Variants in COL10A1 observed in about 807,000 individuals in gnomAD.
The protein encoded by COL10A1 is collagen type X alpha 1 chain, also known as collagen alpha-1(X) chain.
Under a neutral mutation model 18.2 loss-of-function variants are expected in COL10A1, and 10 were observed. The observed-to-expected ratio is 0.55, with a 90% CI of 0.34 to 0.93. The LOEUF (loss-of-function observed/expected upper bound fraction) is 0.93, where lower values mean the gene tolerates loss of function less well. Ranked by LOEUF, COL10A1 falls within the 40% of genes least tolerant of loss-of-function variation. The probability of loss-of-function intolerance (pLI) is 0.02; values close to 1 mark genes in which losing one functional copy is unlikely to be tolerated. For synonymous variants in COL10A1, 330 were observed against 316.6 expected, an observed-to-expected ratio of 1.04 and a Z score of -0.45; for missense variants, 897 against 853.5, an observed-to-expected ratio of 1.05 and a Z score of -0.64.
the COL10A1 span, among the ~76,000 whole-genome samples, chr6:116,171,969 C>T: frequency 6.6e-6 from 1 of 152,094 alleles, no homozygotes; most frequent in Non-Finnish European, 1.5e-5. Context: ...GATGGATAGC[C>T]AGCTGTATGA....
At chr6:116,199,603 G>A in the COL10A1 span, among the ~76,000 whole-genome samples, 1 of 152,066 alleles carries the variant, frequency 6.6e-6, no homozygotes, top group African/African-American at 2.4e-5. Flanking sequence ...TCTGACTTTA[G>A]GCCTGGGGCA....
Position 116,121,916 on chromosome 6 carries a change from G to A in COL10A1, c.200C>T (p.Pro67Leu). 6.2e-7 allele frequency: 1 copy of A among 1,613,808 alleles called. No homozygotes were observed. The highest frequency in any genetic ancestry group is 1.1e-5 in the South Asian group (1 of 91,056). Residue 67 changes from proline (P) to leucine (L), a missense_variant, in exon 3 of 3, where the codon CCT (proline) becomes CTT (leucine). By Grantham distance (98) the Pro-to-Leu change is moderately conservative. Coordinates refer to ENST00000651968, the MANE Select transcript of COL10A1 (RefSeq NM_000493.4). ...ACCTGGGTGCCCTCGAGGTCCAGCAGGGCCTGGTGGACCAGGAGTACCTTG... is the reference window on the plus strand; with the variant it reads ...ACCTGGGTGCCCTCGAGGTCCAGCAAGGCCTGGTGGACCAGGAGTACCTTG... ...GEQGTPGPPG[P>L]AGPRGHPGPS...
chr6:116,127,515 A>G (rs1004722745), upstream of COL10A1, among the ~76,000 whole-genome samples: 1 of 152,162 alleles, frequency 6.6e-6, no homozygotes, highest in Non-Finnish European at 1.5e-5. Flanking sequence ...TGGAAATTAT[A>G]TATGGAATAG....
the COL10A1 span, among the ~76,000 whole-genome samples, chr6:116,212,539 T>A: frequency 6.6e-6 from 1 of 152,140 alleles, no homozygotes; most frequent in African/African-American, 2.4e-5. Context: ...AGAAAAGATA[T>A]TTCTGAAGAA....
chr6:116,122,305 AAGAC>A (rs1198909745), intron 2 of COL10A1, among the ~76,000 whole-genome samples: 1 of 152,172 alleles, frequency 6.6e-6, no homozygotes, highest in Non-Finnish European at 1.5e-5. Flanking sequence ...AAGGCAGAAA[AAGAC>A]AGTGCAGAAT....
chr6:116,128,366 CT>C (rs1779377856), upstream of COL10A1, among the ~76,000 whole-genome samples: 1 of 152,122 alleles, frequency 6.6e-6, no homozygotes, highest in Non-Finnish European at 1.5e-5. Context: ...GTATTTAAAA[CT>C]ATTTTTACTC....
At chr6:116,123,707 A>G (rs1406471120) in intron 2 of COL10A1, among the ~76,000 whole-genome samples, 1 of 152,160 alleles carries the variant, frequency 6.6e-6, no homozygotes, top group African/African-American at 2.4e-5. Flanking sequence ...CCAATGGATG[A>G]TAGTGTAGTT....
chr6:116,161,074 A>G (rs1165323876), upstream of COL10A1, among the ~76,000 whole-genome samples: 2 of 151,704 alleles, frequency 1.3e-5, no homozygotes, highest in African/African-American at 2.4e-5. Flanking sequence ...CATCATTCTC[A>G]GTAAACTATC....
intron 1 of COL10A1, among the ~76,000 whole-genome samples, chr6:116,131,710 A>C (rs1779470337): frequency 6.6e-6 from 1 of 152,176 alleles, no homozygotes. Context: ...GTACAAGTGC[A>C]GGTGTGTTAC....
the COL10A1 span, among the ~76,000 whole-genome samples, chr6:116,216,821 A>G: frequency 6.6e-6 from 1 of 152,212 alleles, no homozygotes; most frequent in African/African-American, 2.4e-5. Flanking sequence ...TCTTTTAAGA[A>G]AATTAATTAT....
intron 1 of COL10A1, among the ~76,000 whole-genome samples, chr6:116,156,264 C>A (rs1780190742): frequency 6.6e-6 from 1 of 152,102 alleles, no homozygotes; most frequent in Non-Finnish European, 1.5e-5. Context: ...CAACCCATTT[C>A]TCTAATTTTC....
chr6:116,172,353 G>T, the COL10A1 span, among the ~76,000 whole-genome samples: 75 of 120,936 alleles, frequency 6.2e-4, no homozygotes, highest in Non-Finnish European at 1.0e-3. Context: ...ATAGAGTCTC[G>T]CTCTGTTGCC....
At chr6:116,142,437 G>A (rs895995240) in intron 1 of COL10A1, among the ~76,000 whole-genome samples, 9 of 151,926 alleles carry the variant, frequency 5.9e-5, no homozygotes, top group Non-Finnish European at 4.4e-5. Context: ...TATCATCAAT[G>A]CTAGTTCTAC....
At chr6:116,162,205 G>A (rs916964536), upstream of COL10A1, among the ~76,000 whole-genome samples, 1 of 152,102 alleles carries the variant, frequency 6.6e-6, no homozygotes, top group Non-Finnish European at 1.5e-5. Flanking sequence ...TTAAATGTAA[G>A]ATTATGTCCT....
chr6:116,165,098 GA>G, the COL10A1 span, among the ~76,000 whole-genome samples: 609 of 101,044 alleles, frequency 6.0e-3, 7 homozygotes, highest in African/African-American at 0.015. Flanking sequence ...CTCCGTCTCA[GA>G]AAAAAAAAAA....
At chr6:116,128,809 A>G (rs1582820742), upstream of COL10A1, among the ~76,000 whole-genome samples, 2 of 152,202 alleles carry the variant, frequency 1.3e-5, no homozygotes, top group Non-Finnish European at 2.9e-5. Context: ...TCCTCAGGTG[A>G]TCATGATGGC....
the COL10A1 span, among the ~76,000 whole-genome samples, chr6:116,184,109 A>G: frequency 3.3e-5 from 5 of 152,098 alleles, no homozygotes; most frequent in Non-Finnish European, 7.4e-5. Context: ...TTAATCATAA[A>G]GAGATGCTGG....
intron 1 of COL10A1, among the ~76,000 whole-genome samples, chr6:116,153,791 G>T (rs1286472210): frequency 6.6e-6 from 1 of 151,726 alleles, no homozygotes; most frequent in Non-Finnish European, 1.5e-5. Flanking sequence ...TAGTCTTGTG[G>T]GACTAAGTTT....
Position 116,135,847 on chromosome 6 carries a change from A to ATG in COL10A1, c.-15-10341_-15-10340insCA, listed in dbSNP as rs1459782766. On this transcript the variant is annotated intron_variant, in intron 1 of 1. Transcript: ENST00000418500. ...AATATATTTTCAGATATATATATAT[A>ATG]TATATATATATATATATATATATAT... Among the ~76,000 whole-genome samples the ATG allele has an allele frequency of 1.7e-3, 196 of 116,334 alleles. 1 individual carries two copies. Among genetic ancestry groups the ATG allele is most frequent in the African/African-American group, 7.9e-3 (179 of 22,660 alleles). The allele number at this position is 116,334 out of a possible 152,430, so 76.3% of individuals were successfully genotyped here.
Sources: allele counts gnomAD v4.1 joint callset (sites outside exome capture counted in the v4.1 genomes callset), GRCh38; gene constraint gnomAD v4.1.1; transcripts MANE v1.5; gene names NCBI Gene and HGNC (gene_info 2026-07-23, HGNC 2026-07-21).